The following SNX31 variants were observed in gnomAD, a reference collection of about 807,000 sequenced individuals.
SNX31 encodes the protein sorting nexin 31, also known as sorting nexin-31.
SNX31 carries 58 observed loss-of-function variants against 65.4 expected under a neutral mutation model. The ratio of observed to expected loss-of-function variants is 0.89; its 90% CI spans 0.72 to 1.10. SNX31 has a LOEUF of 1.10. SNX31 is among the 50% of genes least tolerant of loss of function. The probability of loss-of-function intolerance (pLI) is 0.00; values close to 1 mark genes in which losing one functional copy is unlikely to be tolerated. For missense variants in SNX31, 523 were observed against 529.7 expected, an observed-to-expected ratio of 0.99 and a Z score of 0.12; for synonymous variants, 181 against 190.1, an observed-to-expected ratio of 0.95 and a Z score of 0.39.
chr8:100,662,761 T>G (rs1229864417), intron 1 of SNX31, among the ~76,000 whole-genome samples: 1 of 152,176 alleles, frequency 6.6e-6, no homozygotes, highest in Non-Finnish European at 1.5e-5. Flanking sequence ...ACCAGATGTT[T>G]AAGTCCCCTC....
At chr8:100,632,054 T>C (rs1454434151) in intron 3 of SNX31, among the ~76,000 whole-genome samples, 7 of 152,210 alleles carry the variant, frequency 4.6e-5, no homozygotes, top group Non-Finnish European at 7.3e-5. Flanking sequence ...AGAAGGTAGG[T>C]ATCTTGCCCA....
intron 2 of SNX31, among the ~76,000 whole-genome samples, chr8:100,646,304 G>C (rs1024156167): frequency 7.9e-5 from 12 of 152,222 alleles, no homozygotes; most frequent in Admixed American, 7.9e-4. Context: ...GGCAAATCAG[G>C]TTATGGTGGC....
Position 100,596,749 on chromosome 8 carries a change from G to A in SNX31, c.868C>T (p.Leu290Phe). 1 of 1,614,132 alleles carries A rather than the reference G, an allele frequency of 6.2e-7. No individual in the cohort carries two copies. Among genetic ancestry groups the A allele is most frequent in the East Asian group, 2.2e-5 (1 of 44,886 alleles). The change falls in exon 10 of 14, where the codon CTT becomes TTT. Residue 290 changes from leucine to phenylalanine, a missense_variant. By Grantham distance (22) the Leu-to-Phe change is conservative (BLOSUM62 0). Coordinates refer to ENST00000311812, the MANE Select transcript of SNX31 (RefSeq NM_152628.4). ...CTGATCTCATTATTGCCAACAGAAAGAACAGCTCCAGAGCCTGATTCTGGG... is the reference window on the plus strand; with the variant it reads ...CTGATCTCATTATTGCCAACAGAAAAAACAGCTCCAGAGCCTGATTCTGGG... ...DYPESGSGAV[L>F]SVGNNEISCC...
At chr8:100,577,508 T>C (rs1180054686) in intron 12 of SNX31, among the ~76,000 whole-genome samples, 3 of 152,188 alleles carry the variant, frequency 2.0e-5, no homozygotes, top group Non-Finnish European at 4.4e-5. Context: ...TGAATATACC[T>C]CATGTACATA....
chr8:100,606,910 C>A (rs537247568), intron 8 of SNX31, among the ~76,000 whole-genome samples: 2 of 152,166 alleles, frequency 1.3e-5, no homozygotes, highest in Non-Finnish European at 2.9e-5. Context: ...GATGCCAGGC[C>A]CACCAAAGGG....
At chr8:100,582,941 C>T (rs576938589) in intron 12 of SNX31, among the ~76,000 whole-genome samples, 2 of 150,898 alleles carry the variant, frequency 1.3e-5, no homozygotes, top group African/African-American at 4.9e-5. Context: ...TGAGATGCAC[C>T]ACTGCACTCC....
chr8:100,639,037 A>G (rs1183563157), intron 2 of SNX31, among the ~76,000 whole-genome samples: 1 of 152,230 alleles, frequency 6.6e-6, no homozygotes, highest in Admixed American at 6.5e-5. Flanking sequence ...CAACAGCCAC[A>G]AAGTTTTGGG....
rs759134011 is a variant in SNX31 at position 100,584,187 on chromosome 8, G to A, written c.1094C>T (p.Ala365Val). The A allele has an allele frequency of 1.9e-6, 3 of 1,592,792 alleles. No homozygotes were observed. The highest frequency in any genetic ancestry group is 2.3e-5 in the South Asian group (2 of 87,456). Residue 365 changes from alanine (A) to valine (V), a missense_variant and splice_region_variant, in exon 12 of 14, where the codon GCT (alanine) becomes GTT (valine). Transcript: ENST00000311812. ...WQWFVIYTKQ[A>V]FLLSSCLKKM... Reference sequence around the variant, plus strand: ...TTTCAAGCAGCTACTCAGCAAAAAAGCCTAAGAAATGCAGGAATAAAGAAC... The same window carrying A: ...TTTCAAGCAGCTACTCAGCAAAAAAACCTAAGAAATGCAGGAATAAAGAAC...
At chr8:100,618,495 T>C in intron 4 of SNX31, 2 of 637,502 alleles carry the variant, frequency 3.1e-6, no homozygotes, top group Non-Finnish European at 5.5e-6. Context: ...TATGACATGC[T>C]TTGCTTGGAG....
chr8:100,625,556 T>TTA lies in SNX31; in HGVS notation c.321+4769_321+4770dup, dbSNP rs1817990898. ...GTGTTAAGGTTCTGGGAAGTGACTG[T>TTA]TACCTCTGTCCTGCCCTCTCTTTAG... On this transcript the variant is annotated intron_variant, in intron 4 of 13. Coordinates refer to ENST00000311812, the MANE Select transcript of SNX31 (RefSeq NM_152628.4). This position sits in a 1 kb window ranked among gnomAD's most constrained non-coding sequence, Gnocchi z 4.2. Among the ~76,000 whole-genome samples, 1 of 152,228 alleles carries TTA rather than the reference T, an allele frequency of 6.6e-6. No individual in the cohort carries two copies.
intron 3 of SNX31, among the ~76,000 whole-genome samples, chr8:100,632,039 C>T (rs1213235787): frequency 6.6e-6 from 1 of 152,126 alleles, no homozygotes; most frequent in Non-Finnish European, 1.5e-5. Context: ...GAAACTGAGG[C>T]TCAGAGAAGG....
At position 100,660,364 on chromosome 8, in the gene SNX31, C is replaced by T. The variant is rs1364595898; in HGVS notation, c.-58+2778G>A. ...GGGCCAGAAATTGAATCCAGGCTCT[C>T]TAAGCCTAAACTCTTTGCAGCAATT... On this transcript the variant is annotated intron_variant, in intron 1 of 5. Coordinates refer to the SNX31 transcript ENST00000520352. This position sits in a 1 kb window ranked among gnomAD's most constrained non-coding sequence, Gnocchi z 4.1. 1.3e-5 allele frequency among the ~76,000 whole-genome samples: 2 copies of T among 152,220 alleles called. No homozygotes were observed. Among genetic ancestry groups the T allele is most frequent in the Non-Finnish European group, 2.9e-5 (2 of 68,046 alleles).
intron 12 of SNX31, among the ~76,000 whole-genome samples, chr8:100,580,963 G>T (rs570034577): frequency 6.6e-6 from 1 of 152,186 alleles, no homozygotes; most frequent in Non-Finnish European, 1.5e-5. Flanking sequence ...GCTTTAAGAA[G>T]AATGTTACAC....
intron 4 of SNX31, among the ~76,000 whole-genome samples, chr8:100,623,887 T>C (rs1277819351): frequency 6.6e-6 from 1 of 151,822 alleles, no homozygotes; most frequent in Non-Finnish European, 1.5e-5. Context: ...TGCTTGACTA[T>C]GGGGAAAATT....
At chr8:100,607,358 C>T (rs552430121) in intron 8 of SNX31, among the ~76,000 whole-genome samples, 11 of 152,270 alleles carry the variant, frequency 7.2e-5, no homozygotes, top group South Asian at 2.1e-4. Context: ...TGTATGTTGG[C>T]GGCAGCACCG....
intron 3 of SNX31, among the ~76,000 whole-genome samples, chr8:100,631,791 G>C (rs191652237): frequency 6.6e-6 from 1 of 152,170 alleles, no homozygotes; most frequent in Non-Finnish European, 1.5e-5. Flanking sequence ...CGGAGTGGAG[G>C]AGGGGAAGCC....
At chr8:100,641,565 A>T (rs868506455) in intron 2 of SNX31, among the ~76,000 whole-genome samples, 58 of 32,046 alleles carry the variant, frequency 1.8e-3, no homozygotes, top group Non-Finnish European at 2.5e-3. Context: ...AAAAAAAAAA[A>T]ATATATATAT....
chr8:100,650,582 C>T (rs544155819), upstream of SNX31, among the ~76,000 whole-genome samples: 1 of 152,298 alleles, frequency 6.6e-6, no homozygotes, highest in East Asian at 1.9e-4. Context: ...GAAGGAGAAG[C>T]GACGCCTGCC....
At position 100,596,642 on chromosome 8, in the gene SNX31, G is replaced by T; in HGVS notation, c.975C>A (p.Phe325Leu). ...AGCAAGGTGCCAAGATACTCACAAG[G>T]AAAGTGACCTGCCAGCACTTCACCC... ...MSRVKCWQVT[F>L]LGTLLDTDGP... is the part of the protein sequence containing the mutation. The change falls in exon 10 of 14, where the codon TTC (phenylalanine) becomes TTA (leucine). Residue 325 changes from phenylalanine to leucine, a missense_variant. Phe to Leu is a conservative substitution (Grantham distance 22, BLOSUM62 0). Coordinates refer to ENST00000311812, the MANE Select transcript of SNX31 (RefSeq NM_152628.4). 1 of 1,613,958 alleles carries T rather than the reference G, an allele frequency of 6.2e-7. No homozygotes were observed. The highest frequency in any genetic ancestry group is 8.5e-7 in the Non-Finnish European group (1 of 1,179,862).
Sources: gnomAD v4.1 joint callset for allele counts (sites outside exome capture counted in the v4.1 genomes callset) on GRCh38, gnomAD v4.1.1 for gene constraint, Gnocchi (gnomAD v3.1) non-coding constraint, MANE v1.5 for transcripts, NCBI Gene and HGNC (gene_info 2026-07-23, HGNC 2026-07-21) for gene names.